Variants in BATF observed in about 807,000 individuals in gnomAD.
BATF encodes the protein basic leucine zipper transcriptional factor ATF-like.
In BATF, 5 loss-of-function variants were observed where a neutral mutation model predicts 13.7. That is an observed-to-expected ratio of 0.36 (90% CI 0.19 to 0.77). The LOEUF is 0.77. BATF is among the 30% of genes least tolerant of loss of function. The pLI, the probability that BATF is intolerant of heterozygous loss-of-function variation, is 0.51. For synonymous variants in BATF, 72 were observed against 67.5 expected (o/e 1.07, Z -0.33); for missense variants, 124 against 163.0 (o/e 0.76, Z 1.30).
intron 2 of BATF, among the ~76,000 whole-genome samples, chr14:75,534,705 C>T (rs1427298291): frequency 6.6e-6 from 1 of 152,162 alleles, no homozygotes; most frequent in Non-Finnish European, 1.5e-5. Flanking sequence ...ATTATAACAC[C>T]TAAATGCCAG....
chr14:75,546,460 A>G lies in BATF; in HGVS notation c.169-2A>G. 1 of 1,614,000 alleles carries G rather than the reference A, an allele frequency of 6.2e-7. No homozygotes were observed. Among genetic ancestry groups the G allele is most frequent in the Non-Finnish European group, 8.5e-7 (1 of 1,179,964 alleles). The stretch of plus-strand genomic sequence containing the variant: ...CTCCGGTGCTGATCCCCACCCCTAC[A>G]GGAGAGCGAAGACCTGGAGAAACAG... On this transcript the variant is annotated splice_acceptor_variant, in intron 2 of 2. Coordinates refer to ENST00000286639, the MANE Select transcript of BATF (RefSeq NM_006399.5). LOFTEE classifies it high-confidence loss of function.
At chr14:75,542,989 G>A (rs990784148) in intron 2 of BATF, among the ~76,000 whole-genome samples, 1 of 152,174 alleles carries the variant, frequency 6.6e-6, no homozygotes, top group African/African-American at 2.4e-5. Flanking sequence ...CTGCCTCGGG[G>A]TTTGCCCAGG....
intron 2 of BATF, among the ~76,000 whole-genome samples, chr14:75,534,038 C>T (rs984206875): frequency 2.0e-4 from 30 of 152,198 alleles, no homozygotes; most frequent in African/African-American, 6.8e-4. Context: ...AGCTCCAGAA[C>T]ATACGGCTAT....
intron 2 of BATF, among the ~76,000 whole-genome samples, chr14:75,537,985 G>A (rs901577001): frequency 2.6e-5 from 4 of 152,160 alleles, no homozygotes; most frequent in South Asian, 4.2e-4. Context: ...TTTGAGATAA[G>A]GTTTCACTCT....
intron 2 of BATF, among the ~76,000 whole-genome samples, chr14:75,532,616 A>G (rs1311515572): frequency 1.3e-5 from 2 of 152,242 alleles, no homozygotes; most frequent in East Asian, 3.8e-4. Flanking sequence ...TGCTTAGTTC[A>G]TCATTATCTG....
chr14:75,540,221 C>A (rs1049438816), intron 2 of BATF, among the ~76,000 whole-genome samples: 1 of 152,158 alleles, frequency 6.6e-6, no homozygotes, highest in Non-Finnish European at 1.5e-5. Context: ...CAGCCTTGTC[C>A]TTGGTCTTCG....
At chr14:75,532,031 C>A (rs187649936) in intron 2 of BATF, among the ~76,000 whole-genome samples, 19 of 152,272 alleles carry the variant, frequency 1.2e-4, no homozygotes, top group Admixed American at 1.2e-3. Flanking sequence ...GTTAATTGAA[C>A]AAACGACTAT....
At chr14:75,522,810 C>T in intron 1 of BATF, 65 bp downstream of exon 1, 1 of 1,591,444 alleles carries the variant, frequency 6.3e-7, no homozygotes, top group Admixed American at 1.7e-5. Context: ...GAGAGCCAGG[C>T]TTCCTTGTCC....
At chr14:75,527,257 A>G (rs1228837844) in intron 2 of BATF, among the ~76,000 whole-genome samples, 1 of 152,334 alleles carries the variant, frequency 6.6e-6, no homozygotes, top group South Asian at 2.1e-4. Context: ...TTATACACAC[A>G]TTTTATATAT....
chr14:75,524,533 C>T (rs1712810435), intron 1 of BATF, among the ~76,000 whole-genome samples: 1 of 152,084 alleles, frequency 6.6e-6, no homozygotes, highest in South Asian at 2.1e-4. Context: ...ACCAGGAGTC[C>T]TTGGGCACAC....
At chr14:75,538,698 G>A (rs1041368400) in intron 2 of BATF, among the ~76,000 whole-genome samples, 1 of 152,170 alleles carries the variant, frequency 6.6e-6, no homozygotes, top group Non-Finnish European at 1.5e-5. Context: ...TCAGGAGATC[G>A]AGACCATCCT....
At position 75,525,088 on chromosome 14, in the gene BATF, C is replaced by A; in HGVS notation, c.68C>A (p.Ser23Ter). The part of the protein sequence containing the change: ...SRSPPPGKQD[S>*]SDDVRRVQRR... Reference sequence around the variant, plus strand: ...CTCCCCGTCTCTGCTTCCCAGGACTCATCTGATGATGTGAGAAGAGTTCAG... The same window carrying A: ...CTCCCCGTCTCTGCTTCCCAGGACTAATCTGATGATGTGAGAAGAGTTCAG... Residue 23 changes from serine (S) to a stop codon, truncating the protein, a stop_gained, in exon 2 of 3, where the codon TCA (serine) becomes TAA (stop). Transcript: ENST00000286639. LOFTEE classifies it high-confidence loss of function. 1 of 1,612,746 alleles carries A rather than the reference C, an allele frequency of 6.2e-7. No individual in the cohort carries two copies.
intron 2 of BATF, among the ~76,000 whole-genome samples, chr14:75,533,727 C>T (rs868690947): frequency 6.6e-5 from 10 of 152,172 alleles, no homozygotes; most frequent in Middle Eastern, 6.8e-3. Context: ...GGTTCCACTA[C>T]GGGTTCACAT....
chr14:75,532,262 T>C (rs902089974), intron 2 of BATF, among the ~76,000 whole-genome samples: 3 of 152,184 alleles, frequency 2.0e-5, no homozygotes, highest in Non-Finnish European at 4.4e-5. Context: ...ACCTATATTT[T>C]CCTTGAATCT....
chr14:75,539,931 G>T (rs190573483), intron 2 of BATF, among the ~76,000 whole-genome samples: 1 of 152,240 alleles, frequency 6.6e-6, no homozygotes, highest in African/African-American at 2.4e-5. Flanking sequence ...TGACGTACAG[G>T]GGCTGGTAAC....
At chr14:75,537,213 C>T (rs1283755425) in intron 2 of BATF, among the ~76,000 whole-genome samples, 4 of 152,156 alleles carry the variant, frequency 2.6e-5, no homozygotes, top group Non-Finnish European at 5.9e-5. Context: ...GCCACTCCCA[C>T]GCTGTTGGTT....
intron 1 of BATF, among the ~76,000 whole-genome samples, chr14:75,523,957 C>T (rs1887614430): frequency 6.6e-6 from 1 of 152,142 alleles, no homozygotes; most frequent in Admixed American, 6.5e-5. Flanking sequence ...TAACCTGGTG[C>T]CCCATCCCCC....
intron 2 of BATF, among the ~76,000 whole-genome samples, chr14:75,545,027 G>A (rs1317075164): frequency 2.0e-5 from 3 of 152,036 alleles, no homozygotes; most frequent in Admixed American, 2.0e-4. Context: ...GCACTTCTTA[G>A]CAGGCATTTT....
intron 2 of BATF, among the ~76,000 whole-genome samples, chr14:75,525,843 C>T (rs552915093): frequency 3.3e-5 from 5 of 152,228 alleles, no homozygotes; most frequent in Non-Finnish European, 7.4e-5. Context: ...GTGCAAGGAC[C>T]ACACATAGTC....
Sources: allele counts gnomAD v4.1 joint callset (sites outside exome capture counted in the v4.1 genomes callset), GRCh38; gene constraint gnomAD v4.1.1; transcripts MANE v1.5; gene names NCBI Gene and HGNC (gene_info 2026-07-23, HGNC 2026-07-21).